OSTF1: variants seen among roughly 807,000 people sequenced by gnomAD.
The protein encoded by OSTF1 is osteoclast-stimulating factor 1.
A neutral mutation model predicts 37.2 loss-of-function variants in OSTF1; 27 were observed. The ratio of observed to expected loss-of-function variants is 0.73; its 90% confidence interval spans 0.54 to 1.00. OSTF1 has a LOEUF of 1.00. OSTF1 is among the 50% of genes least tolerant of loss of function. OSTF1 has a pLI of 0.00. For synonymous variants in OSTF1, 82 were observed against 89.2 expected (o/e 0.92, Z 0.46); for missense variants, 232 against 253.8 (o/e 0.91, Z 0.58).
chr9:75,139,591 G>A (rs1333755210), intron 8 of OSTF1, among the ~76,000 whole-genome samples: 5 of 152,096 alleles, frequency 3.3e-5, no homozygotes, highest in African/African-American at 1.2e-4. Context: ...ACCACACTTG[G>A]CTAATTTTTG....
chr9:75,091,428 C>G (rs1824973668), intron 1 of OSTF1, among the ~76,000 whole-genome samples: 1 of 152,116 alleles, frequency 6.6e-6, no homozygotes, highest in African/African-American at 2.4e-5. Flanking sequence ...CACTGGCGGT[C>G]AAATGTGTAT....
intron 1 of OSTF1, among the ~76,000 whole-genome samples, chr9:75,094,348 CGCTTTG>C (rs1825034201): frequency 6.7e-6 from 1 of 150,234 alleles, no homozygotes. Context: ...TAATGTAAAA[CGCTTTG>C]ATACAAAAAA....
At chr9:75,146,565 C>T (rs1826028074) in intron 9 of OSTF1, 118 bp from the exon 10 acceptor site, 6 of 721,014 alleles carry the variant, frequency 8.3e-6, no homozygotes, top group Non-Finnish European at 1.4e-5. Flanking sequence ...AGGGAAAGTA[C>T]AATCCCTGGG....
At chr9:75,110,696 T>C (rs1564158197) in intron 1 of OSTF1, among the ~76,000 whole-genome samples, 2 of 152,036 alleles carry the variant, frequency 1.3e-5, no homozygotes, top group Non-Finnish European at 2.9e-5. Context: ...ATCTGTCTCT[T>C]ATAGTGAGCA....
chr9:75,113,818 C>T (rs913714968), intron 1 of OSTF1, among the ~76,000 whole-genome samples: 2 of 152,120 alleles, frequency 1.3e-5, no homozygotes, highest in Non-Finnish European at 2.9e-5. Context: ...TTCAAATCTA[C>T]TCTCAGCATT....
Position 75,127,618 on chromosome 9 carries a change from TG to T in OSTF1, c.132+1del. ...EEGDIIYITD[M>X]SDTNWWKGTS... ...GGTGATATTATCTACATTACTGACA[TG>T]GTAAGTCCAGATAACATCTTGTAAT... is the stretch of plus-strand genomic sequence containing the variant. On this transcript the variant is annotated frameshift_variant and splice_region_variant, in exon 3 of 10. Coordinates refer to ENST00000346234, the MANE Select transcript of OSTF1 (RefSeq NM_012383.5). LOFTEE classifies it high-confidence loss of function. 6.5e-7 allele frequency: 1 copy of T among 1,547,814 alleles called. No homozygotes were observed. Among genetic ancestry groups the T allele is most frequent in the South Asian group, 1.2e-5 (1 of 85,652 alleles).
At chr9:75,093,794 GTCT>G (rs1224858940) in intron 1 of OSTF1, among the ~76,000 whole-genome samples, 3 of 152,170 alleles carry the variant, frequency 2.0e-5, no homozygotes, top group African/African-American at 7.2e-5. Flanking sequence ...CACGTGAATA[GTCT>G]TCTTTTATAA....
At chr9:75,125,950 C>G (rs1359087580) in intron 2 of OSTF1, among the ~76,000 whole-genome samples, 1 of 152,164 alleles carries the variant, frequency 6.6e-6, no homozygotes, top group Non-Finnish European at 1.5e-5. Flanking sequence ...TGCTCTGTCA[C>G]TCAGGCTGGA....
chr9:75,116,463 CG>C (rs1292325665), intron 1 of OSTF1, among the ~76,000 whole-genome samples: 1 of 152,034 alleles, frequency 6.6e-6, no homozygotes, highest in East Asian at 1.9e-4. Flanking sequence ...GATTATAGTC[CG>C]GAGTGTCATG....
At chr9:75,113,593 T>C (rs543682370) in intron 1 of OSTF1, among the ~76,000 whole-genome samples, 30 of 152,238 alleles carry the variant, frequency 2.0e-4, no homozygotes, top group African/African-American at 7.2e-4. Flanking sequence ...GTACTACAAG[T>C]GCATGTCATC....
intron 1 of OSTF1, among the ~76,000 whole-genome samples, chr9:75,090,854 C>G (rs2118358087): frequency 6.6e-6 from 1 of 152,228 alleles, no homozygotes; most frequent in African/African-American, 2.4e-5. Flanking sequence ...GTAGTACTGT[C>G]CCACATTTAC....
At chr9:75,091,588 A>T (rs952909660) in intron 1 of OSTF1, among the ~76,000 whole-genome samples, 1 of 152,222 alleles carries the variant, frequency 6.6e-6, no homozygotes, top group African/African-American at 2.4e-5. Flanking sequence ...AGCTGCATGG[A>T]TAAAAATCTC....
intron 1 of OSTF1, among the ~76,000 whole-genome samples, chr9:75,110,236 G>A (rs564992694): frequency 6.6e-5 from 10 of 152,052 alleles, no homozygotes; most frequent in Admixed American, 6.5e-4. Flanking sequence ...AACATCCACT[G>A]TACACTGCCT....
Position 75,140,891 on chromosome 9 carries a change from A to C in OSTF1, c.545A>C (p.Asn182Thr). ...AAGCTGGCCTTCGACATGGCTACCA[A>C]TGCTGCCTGTGCATCTCTCCTGAAA... ...EKKLAFDMAT[N>T]AACASLLKKK... The change falls in exon 9 of 10, where the codon AAT becomes ACT. Residue 182 changes from asparagine (N) to threonine (T), a missense_variant. Asn to Thr is a moderately conservative substitution (Grantham distance 65, BLOSUM62 0). Transcript: ENST00000346234. 1 of 1,613,840 alleles carries C rather than the reference A, an allele frequency of 6.2e-7. No homozygotes were observed. Among genetic ancestry groups the C allele is most frequent in the Non-Finnish European group, 8.5e-7 (1 of 1,179,778 alleles).
At chr9:75,115,645 GTTTT>G (rs1173233543) in intron 1 of OSTF1, among the ~76,000 whole-genome samples, 2 of 81,186 alleles carry the variant, frequency 2.5e-5, no homozygotes, top group South Asian at 3.5e-4. Flanking sequence ...CCCTTTTTTT[GTTTT>G]TTTTTTGTTT....
intron 9 of OSTF1, among the ~76,000 whole-genome samples, chr9:75,146,365 T>G (rs1826024579): frequency 6.6e-6 from 1 of 152,270 alleles, no homozygotes; most frequent in East Asian, 1.9e-4. Flanking sequence ...GGAAGCTCAG[T>G]TGTCAGAGTG....
At chr9:75,100,769 A>C (rs1825177572) in intron 1 of OSTF1, among the ~76,000 whole-genome samples, 1 of 151,210 alleles carries the variant, frequency 6.6e-6, no homozygotes, top group Non-Finnish European at 1.5e-5. Context: ...CTGCAACCTC[A>C]GGGGTAGGTC....
chr9:75,138,101 T>C (rs930966542), intron 8 of OSTF1, among the ~76,000 whole-genome samples: 2 of 152,200 alleles, frequency 1.3e-5, no homozygotes, highest in Non-Finnish European at 2.9e-5. Flanking sequence ...CCCCTGTTTT[T>C]ATAAGTCAGA....
intron 8 of OSTF1, 37 bp downstream of exon 8, chr9:75,137,653 C>T: frequency 7.4e-7 from 1 of 1,344,190 alleles, no homozygotes; most frequent in Non-Finnish European, 1.1e-6. Context: ...TCTTTGCTTG[C>T]CCTGAAAAAT....
Sources: gnomAD v4.1 joint callset for allele counts (sites outside exome capture counted in the v4.1 genomes callset) on GRCh38, gnomAD v4.1.1 for gene constraint, MANE v1.5 for transcripts, NCBI Gene and HGNC (gene_info 2026-07-23, HGNC 2026-07-21) for gene names.